DAB1: variants seen among roughly 807,000 people sequenced by gnomAD.
The protein encoded by DAB1 is disabled homolog 1.
DAB1 carries 15 observed loss-of-function variants against 64.6 expected under a neutral mutation model. That is an observed-to-expected ratio of 0.23 (90% CI 0.16 to 0.36). The LOEUF is 0.36. Among genes scored for constraint, DAB1 ranks in the 10% least tolerant of loss-of-function variants. The pLI is 1.00. For synonymous variants in DAB1, 235 were observed against 251.9 expected (o/e 0.93, Z 0.64); for missense variants, 596 against 706.7 (o/e 0.84, Z 1.78).
intron 1 of DAB1, chr1:57,874,044 AG>A (rs887643860): frequency 2.6e-5 from 4 of 152,272 alleles, no homozygotes; most frequent in Non-Finnish European, 4.4e-5. Context: ...TGAAGAGAAG[AG>A]TGAATGAGTA....
intron 1 of DAB1, among the ~76,000 whole-genome samples, chr1:57,403,116 C>T (rs938496039): frequency 3.9e-5 from 6 of 152,192 alleles, no homozygotes; most frequent in East Asian, 1.9e-4. Flanking sequence ...CTGACCTCAC[C>T]GTCTGGCTGC....
chr1:58,439,395 T>C lies in DAB1; in HGVS notation n.257+66665A>G, dbSNP rs528035715. Among the ~76,000 whole-genome samples the C allele has an allele frequency of 2.0e-5, 3 of 152,308 alleles. No homozygotes were observed. The South Asian group carries it at 6.2e-4, about 32-fold the overall frequency. On this transcript the variant is annotated intron_variant and non_coding_transcript_variant, in intron 3 of 20. Transcript: ENST00000485760. ...TCTCCCTTCAGTAAAGAAACATTTA[T>C]TGGAGGAACATGCTCAAGCTCTTTA...
intron 6 of DAB1, among the ~76,000 whole-genome samples, chr1:57,711,779 A>C (rs1366816971): frequency 6.6e-6 from 1 of 152,212 alleles, no homozygotes; most frequent in African/African-American, 2.4e-5. Flanking sequence ...CAGATGGGCT[A>C]GGCCTCTACA....
intron 6 of DAB1, among the ~76,000 whole-genome samples, chr1:57,820,970 T>C (rs1343038466): frequency 1.3e-5 from 2 of 152,194 alleles, no homozygotes. Flanking sequence ...TTAAGTACTT[T>C]ACAGCTTTTC....
At chr1:58,220,840 C>T (rs919034298) in intron 4 of DAB1, among the ~76,000 whole-genome samples, 2 of 146,950 alleles carry the variant, frequency 1.4e-5, no homozygotes, top group South Asian at 2.2e-4. Context: ...TATATATACA[C>T]GTATACACAT....
chr1:58,382,239 C>T (rs1466042996), intron 3 of DAB1, among the ~76,000 whole-genome samples: 2 of 152,198 alleles, frequency 1.3e-5, no homozygotes, highest in Non-Finnish European at 2.9e-5. Context: ...GGAGCTTCTG[C>T]TTGGTCTTTC....
chr1:57,036,888 G>A (rs1321005911), intron 9 of DAB1, among the ~76,000 whole-genome samples: 1 of 152,074 alleles, frequency 6.6e-6, no homozygotes, highest in Non-Finnish European at 1.5e-5. Flanking sequence ...TACTGAGTAA[G>A]GCAACAAGGA....
intron 5 of DAB1, among the ~76,000 whole-genome samples, chr1:57,999,823 G>C (rs897456434): frequency 1.3e-5 from 2 of 151,720 alleles, no homozygotes; most frequent in African/African-American, 4.8e-5. Flanking sequence ...GGAAGAGAGG[G>C]AGAGAGAGAA....
chr1:58,111,008 C>A (rs927217602), intron 5 of DAB1, among the ~76,000 whole-genome samples: 2 of 152,162 alleles, frequency 1.3e-5, no homozygotes, highest in Non-Finnish European at 2.9e-5. Context: ...TTGTGCATCA[C>A]TATTTCTGAG....
chr1:58,209,009 A>G (rs1242278688), intron 4 of DAB1, among the ~76,000 whole-genome samples: 1 of 152,200 alleles, frequency 6.6e-6, no homozygotes, highest in Non-Finnish European at 1.5e-5. Flanking sequence ...CTTCCTAGAG[A>G]AAGTGACACA....
At chr1:57,556,654 G>C (rs924814891) in intron 7 of DAB1, among the ~76,000 whole-genome samples, 2 of 152,032 alleles carry the variant, frequency 1.3e-5, no homozygotes, top group African/African-American at 4.8e-5. Flanking sequence ...TGATTTGTTT[G>C]AGTTCCTTGT....
chr1:57,926,236 T>C (rs1423225690), intron 5 of DAB1, among the ~76,000 whole-genome samples: 1 of 151,654 alleles, frequency 6.6e-6, no homozygotes, highest in Non-Finnish European at 1.5e-5. Flanking sequence ...ATTGTGAGGA[T>C]GGATTGTTTC....
chr1:58,073,332 C>A (rs1370109774), intron 5 of DAB1, among the ~76,000 whole-genome samples: 1 of 152,192 alleles, frequency 6.6e-6, no homozygotes, highest in Non-Finnish European at 1.5e-5. Context: ...AGCATCATCT[C>A]CCCTGGAAAG....
At chr1:58,373,705 G>A (rs1032914311) in intron 3 of DAB1, among the ~76,000 whole-genome samples, 26 of 152,132 alleles carry the variant, frequency 1.7e-4, no homozygotes, top group Non-Finnish European at 3.8e-4. Context: ...GTAATGGGAT[G>A]GCTGGGTCAA....
At chr1:57,647,377 TGGTAA>T (rs1231084308) in intron 7 of DAB1, among the ~76,000 whole-genome samples, 3 of 152,258 alleles carry the variant, frequency 2.0e-5, no homozygotes, top group East Asian at 1.9e-4. Flanking sequence ...GTTGGAGAGG[TGGTAA>T]CTCCTTGGGA....
chr1:58,146,212 T>C (rs1274913978), intron 5 of DAB1, among the ~76,000 whole-genome samples: 1 of 152,170 alleles, frequency 6.6e-6, no homozygotes, highest in African/African-American at 2.4e-5. Flanking sequence ...AAAATTAAAC[T>C]CAGATTTTGA....
intron 2 of DAB1, among the ~76,000 whole-genome samples, chr1:57,160,887 T>C (rs1660678647): frequency 6.6e-6 from 1 of 152,000 alleles, no homozygotes; most frequent in African/African-American, 2.4e-5. Context: ...TGGGGCTGGG[T>C]ATAAACACCC....
intron 5 of DAB1, among the ~76,000 whole-genome samples, chr1:58,082,808 G>A (rs572074872): frequency 2.6e-5 from 4 of 152,140 alleles, no homozygotes; most frequent in South Asian, 2.1e-4. Context: ...GCAGACAGGT[G>A]GGGGGGAGGG....
Position 58,014,193 on chromosome 1 carries a change from G to T in DAB1, n.388-130031C>A, listed in dbSNP as rs7531985. On this transcript the variant is annotated intron_variant and non_coding_transcript_variant, in intron 5 of 20. Coordinates refer to the DAB1 transcript ENST00000485760. ...TTGGGAGTACAAGGTTTTGAACACA[G>T]CTCTGTCTGACTCAATGTTCATATT... 6.8e-3 allele frequency among the ~76,000 whole-genome samples: 1,035 copies of T among 152,248 alleles called. 13 individuals carry two copies. The highest frequency in any genetic ancestry group is 0.024 in the African/African-American group (990 of 41,532).
Sources: gnomAD v4.1 joint callset for allele counts (sites outside exome capture counted in the v4.1 genomes callset) on GRCh38, gnomAD v4.1.1 for gene constraint, MANE v1.5 for transcripts, NCBI Gene and HGNC (gene_info 2026-07-23, HGNC 2026-07-21) for gene names.